Variants in COL4A4 observed in about 807,000 individuals in gnomAD.
COL4A4 encodes collagen type IV alpha 4 chain, also known as collagen alpha-4(IV) chain.
Under a neutral mutation model 192.9 loss-of-function variants are expected in COL4A4, and 105 were observed. The observed-to-expected ratio is 0.54, with a 90% CI of 0.46 to 0.64. The LOEUF (loss-of-function observed/expected upper bound fraction) is 0.64, where lower values mean the gene tolerates loss of function less well. Among genes scored for constraint, COL4A4 ranks in the 30% least tolerant of loss-of-function variants. COL4A4 has a pLI of 0.00. For missense variants in COL4A4, 1,967 were observed against 2,169.3 expected (o/e 0.91, Z 1.85); for synonymous variants, 762 against 769.9 (o/e 0.99, Z 0.17).
intron 7 of COL4A4, among the ~76,000 whole-genome samples, chr2:227,115,712 A>G (rs1265200963): frequency 6.6e-6 from 1 of 152,210 alleles, no homozygotes; most frequent in Non-Finnish European, 1.5e-5. Context: ...TTCTGATGGG[A>G]GATATTTAAC....
chr2:227,140,972 T>A (rs2125303384), intron 3 of COL4A4, among the ~76,000 whole-genome samples: 1 of 151,672 alleles, frequency 6.6e-6, no homozygotes, highest in African/African-American at 2.4e-5. Flanking sequence ...ATCACCTATA[T>A]CCAGAGTCAT....
At chr2:227,009,733 A>AAAGAG (rs1056558676) in intron 46 of COL4A4, among the ~76,000 whole-genome samples, 21 of 73,364 alleles carry the variant, frequency 2.9e-4, no homozygotes, top group African/African-American at 1.4e-3. Flanking sequence ...AGAGAAGAGA[A>AAAGAG]AAGAGAAGAG....
chr2:227,040,128 T>C (rs1162546163), intron 37 of COL4A4, among the ~76,000 whole-genome samples: 1 of 152,240 alleles, frequency 6.6e-6, no homozygotes, highest in Non-Finnish European at 1.5e-5. Flanking sequence ...ATTTGAATTT[T>C]CAAAACAGTA....
chr2:227,067,785 C>A (rs1417132109), intron 25 of COL4A4, among the ~76,000 whole-genome samples: 3 of 151,694 alleles, frequency 2.0e-5, no homozygotes, highest in African/African-American at 7.3e-5. Context: ...AAAATTGACA[C>A]CCTAACATCA....
intron 1 of COL4A4, among the ~76,000 whole-genome samples, chr2:227,155,791 G>A (rs926061936): frequency 3.9e-5 from 6 of 152,200 alleles, no homozygotes; most frequent in Admixed American, 1.3e-4. Context: ...CATGGTTACT[G>A]AATAAAAGTA....
chr2:226,989,751 T>C, the COL4A4 span, among the ~76,000 whole-genome samples: 5 of 152,238 alleles, frequency 3.3e-5, no homozygotes, highest in Non-Finnish European at 1.5e-5. Flanking sequence ...TTAAGTCATT[T>C]TTGTTCATTA....
chr2:226,999,634 T>G (rs1481166309), downstream of COL4A4, among the ~76,000 whole-genome samples: 1 of 152,250 alleles, frequency 6.6e-6, no homozygotes, highest in Non-Finnish European at 1.5e-5. Context: ...ATTTATACTT[T>G]AGAAAAACTA....
At chr2:227,075,960 C>A (rs1367719271) in intron 25 of COL4A4, among the ~76,000 whole-genome samples, 4 of 152,050 alleles carry the variant, frequency 2.6e-5, no homozygotes, top group Admixed American at 6.6e-5. Context: ...AGGAGAACTA[C>A]AAACTACTGC....
chr2:227,118,582 C>A, intron 7 of COL4A4, 63 bp downstream of exon 7: 1 of 1,227,050 alleles, frequency 8.1e-7, no homozygotes, highest in African/African-American at 1.5e-5. Flanking sequence ...ATACATCAAG[C>A]CTGTTCCACC....
chr2:227,013,393 G>T (rs1964225387), intron 44 of COL4A4, among the ~76,000 whole-genome samples: 1 of 152,140 alleles, frequency 6.6e-6, no homozygotes, highest in Admixed American at 6.5e-5. Flanking sequence ...GACTGTATTT[G>T]GAGATAAGAC....
chr2:227,050,894 C>T, intron 33 of COL4A4, 83 bp downstream of exon 33: 1 of 1,545,440 alleles, frequency 6.5e-7, no homozygotes, highest in Admixed American at 1.7e-5. Context: ...GGTATATACG[C>T]TGGCAAATTA....
At chr2:227,035,256 G>A (rs1559462864) in intron 37 of COL4A4, among the ~76,000 whole-genome samples, 1 of 152,160 alleles carries the variant, frequency 6.6e-6, no homozygotes. Flanking sequence ...AAAAGGAGCA[G>A]GGTAGAATTT....
intron 1 of COL4A4, among the ~76,000 whole-genome samples, chr2:227,157,842 A>G (rs1383404945): frequency 2.0e-5 from 3 of 152,168 alleles, no homozygotes. Flanking sequence ...TGAAAAAATA[A>G]TACCAGTTTT....
chr2:227,121,175 G>A (rs763848522), intron 4 of COL4A4, 27 bp from the exon 5 acceptor site: 13 of 1,612,300 alleles, frequency 8.1e-6, no homozygotes, highest in Non-Finnish European at 1.1e-5. Context: ...AAAAGAAATG[G>A]GGGTGCAATT....
Position 227,117,798 on chromosome 2 carries a change from G to GA in COL4A4, c.489+846dup, listed in dbSNP as rs200564027. Reference sequence around the variant, plus strand: ...TTAAATGAAAGTCCAAAATTCTGAAGAAAAAAAAAGCTAAGAGCCGTAAGT... The same window carrying GA: ...TTAAATGAAAGTCCAAAATTCTGAAGAAAAAAAAAAGCTAAGAGCCGTAAGT... On this transcript the variant is annotated intron_variant, in intron 7 of 47. Transcript: ENST00000396625. Among the ~76,000 whole-genome samples the GA allele has an allele frequency of 3.8e-5, 5 of 131,718 alleles. No individual in the cohort carries two copies. The East Asian group carries it at 8.3e-4, about 22-fold the overall frequency. 86.4% of individuals were successfully genotyped at this position (131,718 alleles called of 152,430 possible). A position where few individuals can be genotyped will look rare whatever the true frequency, so the allele number is the denominator to read the frequency against.
At chr2:226,988,523 G>C in the COL4A4 span, 1 of 1,502,284 alleles carries the variant, frequency 6.7e-7, no homozygotes, top group Non-Finnish European at 8.9e-7. Flanking sequence ...GATAGCAGCT[G>C]CCCGCACTGT....
rs1275375343 is a variant in COL4A4 at position 227,098,786 on chromosome 2, T to C, written c.1112A>G (p.Asp371Gly). 5 of 1,613,812 alleles carry C rather than the reference T, an allele frequency of 3.1e-6. No individual in the cohort carries two copies. The African/African-American group carries it at 5.3e-5, about 17-fold the overall frequency. The change falls in exon 19 of 48, where the codon GAC becomes GGC. Residue 371 changes from aspartate to glycine, a missense_variant. Physicochemically the swap from Asp to Gly is moderately conservative, Grantham distance 94. Coordinates refer to ENST00000396625, the MANE Select transcript of COL4A4 (RefSeq NM_000092.5). ...PPLPLKGPPG[D>G]PGFPGRYGET... ...TCCATAGCGGCCAGGGAACCCTGGG[T>C]CCCCTGGTGGGCCTGCCAAAGATAA...
At chr2:227,021,642 G>A (rs1966026356) in intron 44 of COL4A4, among the ~76,000 whole-genome samples, 1 of 152,020 alleles carries the variant, frequency 6.6e-6, no homozygotes. Flanking sequence ...TGGCTAACTC[G>A]GTGAAACCCC....
chr2:226,986,233 G>A, the COL4A4 span, among the ~76,000 whole-genome samples: 2 of 152,206 alleles, frequency 1.3e-5, no homozygotes, highest in African/African-American at 2.4e-5. Context: ...AGACTAAGGA[G>A]ACTTGGTAAC....
Sources: allele counts gnomAD v4.1 joint callset (sites outside exome capture counted in the v4.1 genomes callset), GRCh38; gene constraint gnomAD v4.1.1; transcripts MANE v1.5; gene names NCBI Gene and HGNC (gene_info 2026-07-23, HGNC 2026-07-21).